The following ZC3H18 variants were observed in gnomAD, a reference collection of about 807,000 sequenced individuals.
The protein encoded by ZC3H18 is zinc finger CCCH domain-containing protein 18.
Under a neutral mutation model 106.1 loss-of-function variants are expected in ZC3H18, and 8 were observed. The observed-to-expected ratio is 0.08, with a 90% CI of 0.04 to 0.14. The LOEUF (loss-of-function observed/expected upper bound fraction) is 0.14. Ranked by LOEUF, ZC3H18 falls within the 10% of genes least tolerant of loss-of-function variation. The pLI, the probability that ZC3H18 is intolerant of heterozygous loss-of-function variation, is 1.00. For synonymous variants in ZC3H18, 635 were observed against 522.1 expected (o/e 1.22, Z -2.95); for missense variants, 1,318 against 1,278.4 (o/e 1.03, Z -0.47).
At chr16:88,612,295 A>G (rs940903189) in intron 8 of ZC3H18, among the ~76,000 whole-genome samples, 3 of 152,114 alleles carry the variant, frequency 2.0e-5, no homozygotes, top group Non-Finnish European at 2.9e-5. Flanking sequence ...ATACCCATTT[A>G]AAGTGTACAA....
chr16:88,581,966 C>T (rs779794144), intron 2 of ZC3H18, among the ~76,000 whole-genome samples: 8 of 152,138 alleles, frequency 5.3e-5, no homozygotes, highest in South Asian at 2.1e-4. Flanking sequence ...GCAGGCCTTC[C>T]GTCACCTGGA....
At chr16:88,571,144 C>T (rs879001344) in intron 1 of ZC3H18, among the ~76,000 whole-genome samples, 2 of 152,210 alleles carry the variant, frequency 1.3e-5, no homozygotes, top group East Asian at 1.9e-4. Flanking sequence ...TTTATATAGA[C>T]CAACTGCAGC....
chr16:88,594,945 A>G (rs1904351472), intron 3 of ZC3H18, among the ~76,000 whole-genome samples: 1 of 152,206 alleles, frequency 6.6e-6, no homozygotes, highest in Admixed American at 6.5e-5. Context: ...TGAGGTCGCA[A>G]GCTCAAGACT....
intron 16 of ZC3H18, 119 bp from the exon 17 acceptor site, chr16:88,630,366 A>T (rs1048635666): frequency 1.5e-6 from 1 of 669,488 alleles, no homozygotes; most frequent in African/African-American, 1.8e-5. Flanking sequence ...TATAAAAATG[A>T]AGGTGGTGAA....
intron 15 of ZC3H18, 162 bp from the exon 16 acceptor site, chr16:88,628,596 G>A (rs761377831): frequency 2.3e-5 from 16 of 694,070 alleles, no homozygotes; most frequent in South Asian, 5.4e-5. Context: ...CCCTTGGTCC[G>A]GGTCCTGGAG....
intron 6 of ZC3H18, among the ~76,000 whole-genome samples, chr16:88,607,911 GGTGAAATGT>G (rs918536763): frequency 2.0e-5 from 3 of 152,204 alleles, no homozygotes; most frequent in African/African-American, 7.2e-5. Context: ...GCACATTTCT[GGTGAAATGT>G]GTTGATATTT....
At chr16:88,622,122 C>G in intron 8 of ZC3H18, 75 bp from the exon 9 acceptor site, 1 of 1,497,406 alleles carries the variant, frequency 6.7e-7, no homozygotes, top group Non-Finnish European at 9.0e-7. Context: ...CATAGTCTCT[C>G]CCGCTGCTGT....
rs72809470 is a variant in ZC3H18 at position 88,611,992 on chromosome 16, G to A, written c.1475+456G>A. Among the ~76,000 whole-genome samples, 655 of 152,218 alleles carry A rather than the reference G, an allele frequency of 4.3e-3. 2 individuals are homozygous for A. The highest frequency in any genetic ancestry group is 7.6e-3 in the Non-Finnish European group (514 of 68,010). ...TGGGGCATCCGTGTTGCTGGCCAGG[G>A]TGAGGCACTCTAGCAGCCAGCATGC... On this transcript the variant is annotated intron_variant, in intron 8 of 17. Transcript: ENST00000301011.
chr16:88,577,988 T>G (rs1914870673), intron 2 of ZC3H18, among the ~76,000 whole-genome samples: 1 of 152,156 alleles, frequency 6.6e-6, no homozygotes. Flanking sequence ...TGGGATTGTT[T>G]GGGTTGTAGT....
At chr16:88,581,762 G>A (rs1384277529) in intron 2 of ZC3H18, among the ~76,000 whole-genome samples, 1 of 152,216 alleles carries the variant, frequency 6.6e-6, no homozygotes, top group Non-Finnish European at 1.5e-5. Context: ...CTCATGCCAT[G>A]TGGCAGCCTC....
chr16:88,598,394 A>T (rs1288508444), intron 4 of ZC3H18, 68 bp downstream of exon 4: 13 of 1,543,692 alleles, frequency 8.4e-6, no homozygotes, highest in Non-Finnish European at 1.0e-5. Context: ...TCTCAAGCTT[A>T]AGACAAGTCA....
At chr16:88,596,957 G>C (rs190362088) in intron 3 of ZC3H18, among the ~76,000 whole-genome samples, 3 of 152,330 alleles carry the variant, frequency 2.0e-5, no homozygotes, top group Non-Finnish European at 2.9e-5. Flanking sequence ...GACTCGCTCT[G>C]TTGCCCAGGC....
chr16:88,611,432 A>G lies in ZC3H18; in HGVS notation c.1371A>G (p.Arg457=). The G allele has an allele frequency of 6.7e-7, 1 of 1,482,562 alleles. No individual in the cohort carries two copies. Among genetic ancestry groups the G allele is most frequent in the Non-Finnish European group, 9.2e-7 (1 of 1,083,948 alleles). The allele number at this position is 1,482,562 out of a possible 1,614,324, so 91.8% of individuals were successfully genotyped here. A position where few individuals can be genotyped will look rare whatever the true frequency, so the allele number is the denominator to read the frequency against. ...QRRKEEWERE[R]AKRDEKDRQH... ...GGAAGGAGGAGTGGGAGCGTGAGCGAGCCAAGCGGGACGAGAAGGACCGGC... is the reference window on the plus strand; with the variant it reads ...GGAAGGAGGAGTGGGAGCGTGAGCGGGCCAAGCGGGACGAGAAGGACCGGC... Residue 457 remains arginine, a synonymous_variant, in exon 8 of 18, where the codon CGA becomes CGG. Transcript: ENST00000301011.
intron 3 of ZC3H18, among the ~76,000 whole-genome samples, chr16:88,594,986 T>C (rs1195747092): frequency 6.6e-6 from 1 of 152,130 alleles, no homozygotes; most frequent in African/African-American, 2.4e-5. Flanking sequence ...ACCTCGTTTC[T>C]ACTAAAAATA....
intron 6 of ZC3H18, among the ~76,000 whole-genome samples, chr16:88,600,673 A>G (rs1281044843): frequency 6.6e-6 from 1 of 152,220 alleles, no homozygotes; most frequent in East Asian, 1.9e-4. Context: ...CCTGCCTCCC[A>G]GAGTGCTGGG....
Position 88,631,309 on chromosome 16 carries a change from C to T in ZC3H18, c.*10C>T, listed in dbSNP as rs372678972. The T allele has an allele frequency of 6.4e-6, 10 of 1,565,312 alleles. No individual in the cohort carries two copies. Among genetic ancestry groups the T allele is most frequent in the African/African-American group, 5.5e-5 (4 of 73,332 alleles). The stretch of plus-strand genomic sequence containing the variant: ...CCCCGGGAAAGCATAGGCCGTGCCC[C>T]GACCGGACTGGACGCATTTTTATAC... On this transcript the variant is annotated 3_prime_UTR_variant, in exon 18 of 18. Transcript: ENST00000301011.
chr16:88,612,882 G>A (rs905296186), intron 8 of ZC3H18, among the ~76,000 whole-genome samples: 1 of 151,928 alleles, frequency 6.6e-6, no homozygotes, highest in Non-Finnish European at 1.5e-5. Context: ...GCACCACTGT[G>A]GTCCCAGCTA....
At chr16:88,597,215 CT>C (rs1320475883) in intron 3 of ZC3H18, among the ~76,000 whole-genome samples, 2 of 152,154 alleles carry the variant, frequency 1.3e-5, no homozygotes, top group Non-Finnish European at 2.9e-5. Flanking sequence ...CTCTGAAATG[CT>C]TTTAGAAATT....
intron 11 of ZC3H18, 126 bp from the exon 12 acceptor site, chr16:88,624,476 G>GCAC: frequency 2.1e-6 from 3 of 1,453,690 alleles, no homozygotes; most frequent in Non-Finnish European, 9.4e-7. Context: ...CCAGGCACGA[G>GCAC]CGTGCTCACC....
Sources: gnomAD v4.1 joint callset for allele counts (sites outside exome capture counted in the v4.1 genomes callset) on GRCh38, gnomAD v4.1.1 for gene constraint, MANE v1.5 for transcripts, NCBI Gene and HGNC (gene_info 2026-07-23, HGNC 2026-07-21) for gene names.